Variants in SLC22A14 observed in about 807,000 individuals in gnomAD.
SLC22A14 encodes the protein solute carrier family 22 member 14, also known as organic cation transporter-like 4.
Under a neutral mutation model 53.9 loss-of-function variants are expected in SLC22A14, and 50 were observed. The observed-to-expected ratio is 0.93, with a 90% CI of 0.74 to 1.17. The LOEUF (loss-of-function observed/expected upper bound fraction) is 1.17. Ranked by LOEUF, SLC22A14 falls within the 50% of genes most tolerant of loss-of-function variation. SLC22A14 has a pLI of 0.00. For synonymous variants in SLC22A14, 312 were observed against 303.0 expected, an observed-to-expected ratio of 1.03 and a Z score of -0.31; for missense variants, 671 against 734.7, an observed-to-expected ratio of 0.91 and a Z score of 1.00.
chr3:38,306,181 T>C lies in SLC22A14; in HGVS notation c.155T>C (p.Phe52Ser), dbSNP rs769446313. Residue 52 changes from phenylalanine to serine, a missense_variant, in exon 2 of 11, where the codon TTT becomes TCT. Phe to Ser is a radical substitution (Grantham distance 155, BLOSUM62 -2). Coordinates refer to ENST00000448498, the MANE Select transcript of SLC22A14 (RefSeq NM_001320033.2). Reference protein sequence around the residue: ...RAVHTKQDDKFANLLDAVGEF... With the variant: ...RAVHTKQDDKSANLLDAVGEF... ...GTCCACACCAAGCAGGATGACAAGT[T>C]TGCCAACCTCCTGGATGCGGTGGGG... 1 of 1,614,056 alleles carries C rather than the reference T, an allele frequency of 6.2e-7. No individual in the cohort carries two copies. The highest frequency in any genetic ancestry group is 8.5e-7 in the Non-Finnish European group (1 of 1,180,024).
chr3:38,290,611 G>C (rs1575403340), intron 1 of SLC22A14, among the ~76,000 whole-genome samples: 1 of 152,224 alleles, frequency 6.6e-6, no homozygotes, highest in African/African-American at 2.4e-5. Context: ...CAATGCCTAA[G>C]TGAAAGGTTT....
At chr3:38,286,020 G>A (rs1703783427) in intron 1 of SLC22A14, among the ~76,000 whole-genome samples, 1 of 152,170 alleles carries the variant, frequency 6.6e-6, no homozygotes, top group South Asian at 2.1e-4. Context: ...ATCACCTGAG[G>A]TTGGGAGTTT....
In SLC22A14 at chr3:38,307,690, G is replaced by A; in HGVS notation, c.745G>A (p.Val249Met). The change falls in exon 4 of 11, where the codon GTG becomes ATG. Residue 249 changes from valine (V) to methionine (M), a missense_variant. Coordinates refer to ENST00000448498, the MANE Select transcript of SLC22A14 (RefSeq NM_001320033.2). This position sits in a 1 kb window ranked among gnomAD's most constrained non-coding sequence, Gnocchi z 4.4. ...FFRFGISQSV[V>M]GYAISSISLA... ...TCGCTTTGGCATCTCGCAGTCAGTG[G>A]TGGGCTACGCCATCAGCAGCATTTC... The A allele has an allele frequency of 1.2e-6, 2 of 1,614,210 alleles. No individual in the cohort carries two copies. The highest frequency in any genetic ancestry group is 1.3e-5 in the African/African-American group (1 of 75,060).
chr3:38,297,472 T>C (rs1559546646), intron 1 of SLC22A14, among the ~76,000 whole-genome samples: 1 of 152,154 alleles, frequency 6.6e-6, no homozygotes, highest in Admixed American at 6.5e-5. Flanking sequence ...TCCACTTTTA[T>C]TTTAAGTTCA....
Position 38,308,965 on chromosome 3 carries a change from T to C in SLC22A14, c.787T>C (p.Leu263=), listed in dbSNP as rs1023677383. The C allele has an allele frequency of 1.9e-6, 3 of 1,613,848 alleles. No individual in the cohort carries two copies. The highest frequency in any genetic ancestry group is 1.3e-5 in the African/African-American group (1 of 74,928). Residue 263 remains leucine, a synonymous_variant, in exon 5 of 11, where the codon TTA becomes CTA. Coordinates refer to ENST00000448498, the MANE Select transcript of SLC22A14 (RefSeq NM_001320033.2). ...TGGCCTCTGCACAGCCACTGAGTGG[T>C]TAGTGGGTGAGCACCGGGCCCATGC... ...ISSISLATEW[L]VGEHRAHAII... is the part of the protein sequence containing the mutation.
At chr3:38,285,099 A>G (rs1472137528) in intron 1 of SLC22A14, among the ~76,000 whole-genome samples, 2 of 152,238 alleles carry the variant, frequency 1.3e-5, no homozygotes, top group Admixed American at 6.5e-5. Flanking sequence ...CAGCACCTTA[A>G]CAAAGATTCC....
chr3:38,313,825 T>C lies in SLC22A14; in HGVS notation c.1262T>C (p.Val421Ala), dbSNP rs567325385. 4 of 1,613,958 alleles carry C rather than the reference T, an allele frequency of 2.5e-6. No individual in the cohort carries two copies. Among genetic ancestry groups the C allele is most frequent in the East Asian group, 2.2e-5 (1 of 44,862 alleles). ...CACGTGGTCCCCAGCATCATGGAGG[T>C]GCCTGCCCGGCTGTGCTGCATCTTT... ...FRHVVPSIME[V>A]PARLCCIFLL... Residue 421 changes from valine to alanine, a missense_variant, in exon 8 of 11, where the codon GTG becomes GCG. Physicochemically the swap from Val to Ala is moderately conservative, Grantham distance 64. Transcript: ENST00000448498.
At chr3:38,284,824 A>T (rs1263907729) in intron 1 of SLC22A14, among the ~76,000 whole-genome samples, 1 of 152,158 alleles carries the variant, frequency 6.6e-6, no homozygotes, top group African/African-American at 2.4e-5. Flanking sequence ...GAAAAGCAAT[A>T]CAAATTATAA....
chr3:38,313,351 T>C, intron 6 of SLC22A14, 37 bp from the exon 7 acceptor site: 2 of 1,541,080 alleles, frequency 1.3e-6, no homozygotes, highest in South Asian at 2.2e-5. Flanking sequence ...AGCTGGGGTC[T>C]TGGCCCTGCC....
rs1021309633 is a variant in SLC22A14 at position 38,300,896 on chromosome 3, A to C, written c.1-5131A>C. 1.1e-4 allele frequency among the ~76,000 whole-genome samples: 16 copies of C among 152,140 alleles called. 1 individual carries two copies. Among genetic ancestry groups the C allele is most frequent in the African/African-American group, 3.9e-4 (16 of 41,422 alleles). On this transcript the variant is annotated intron_variant, in intron 1 of 10. Coordinates refer to ENST00000448498, the MANE Select transcript of SLC22A14 (RefSeq NM_001320033.2). ...AAGGTCTTGCCCACTGCAGCCTTAA[A>C]CTCCTGGGCTCAAGCTATCAGGAAT...
At chr3:38,280,756 A>G (rs1703650734), upstream of SLC22A14, among the ~76,000 whole-genome samples, 1 of 151,926 alleles carries the variant, frequency 6.6e-6, no homozygotes, top group East Asian at 1.9e-4. Context: ...CAGCTTCCCG[A>G]GTAACTGGGA....
At chr3:38,287,615 A>G (rs956670265) in intron 1 of SLC22A14, among the ~76,000 whole-genome samples, 7 of 152,240 alleles carry the variant, frequency 4.6e-5, no homozygotes, top group African/African-American at 1.7e-4. Flanking sequence ...ATTAATTCAT[A>G]TAACTTTATA....
chr3:38,315,275 GAC>G (rs1559555139), intron 8 of SLC22A14, among the ~76,000 whole-genome samples: 1 of 152,276 alleles, frequency 6.6e-6, no homozygotes, highest in Non-Finnish European at 1.5e-5. Context: ...GTGGAACGAA[GAC>G]ACAGCCTTGG....
intron 1 of SLC22A14, among the ~76,000 whole-genome samples, chr3:38,296,058 C>A (rs1465177211): frequency 6.6e-6 from 1 of 152,162 alleles, no homozygotes; most frequent in Non-Finnish European, 1.5e-5. Flanking sequence ...CCATTAGTAC[C>A]TAGGAGGCAG....
intron 1 of SLC22A14, among the ~76,000 whole-genome samples, chr3:38,286,626 G>C (rs535635343): frequency 6.6e-6 from 1 of 152,048 alleles, no homozygotes; most frequent in South Asian, 2.1e-4. Context: ...GGCCAGTCTG[G>C]TGTCGAACTC....
At chr3:38,294,024 A>G (rs777579242) in intron 1 of SLC22A14, among the ~76,000 whole-genome samples, 31 of 152,080 alleles carry the variant, frequency 2.0e-4, no homozygotes, top group Middle Eastern at 3.2e-3. Flanking sequence ...GTCTATTTTA[A>G]TTTGCTATAA....
chr3:38,309,247 G>A (rs1280150194), intron 5 of SLC22A14, 125 bp downstream of exon 5: 7 of 842,554 alleles, frequency 8.3e-6, no homozygotes, highest in South Asian at 1.6e-5. Flanking sequence ...GCATGTGGAT[G>A]GGATGAGATA....
chr3:38,289,180 C>CAAAAAAAAAAAA, intron 1 of SLC22A14, among the ~76,000 whole-genome samples: 1 of 52,998 alleles, frequency 1.9e-5, no homozygotes, highest in Non-Finnish European at 3.5e-5. Context: ...TCTATCTCTA[C>CAAAAAAAAAAAA]AAAAAAAAAA....
chr3:38,297,788 C>T (rs148008675), intron 1 of SLC22A14, among the ~76,000 whole-genome samples: 6 of 152,262 alleles, frequency 3.9e-5, no homozygotes, highest in African/African-American at 1.2e-4. Flanking sequence ...AAAATGATAT[C>T]TGCCAAATTT....
Sources: gnomAD v4.1 joint callset for allele counts (sites outside exome capture counted in the v4.1 genomes callset) on GRCh38, gnomAD v4.1.1 for gene constraint, Gnocchi (gnomAD v3.1) non-coding constraint, MANE v1.5 for transcripts, NCBI Gene and HGNC (gene_info 2026-07-23, HGNC 2026-07-21) for gene names.